TMEM117: variants seen among roughly 807,000 people sequenced by gnomAD.
TMEM117 encodes transmembrane protein 117.
In TMEM117, 27 loss-of-function variants were observed where a neutral mutation model predicts 52.4. The ratio of observed to expected loss-of-function variants is 0.51; its 90% CI spans 0.38 to 0.71. TMEM117 has a LOEUF of 0.71. TMEM117 is among the 30% of genes least tolerant of loss of function. The pLI is 0.00. For missense variants in TMEM117, 556 were observed against 630.5 expected (o/e 0.88, Z 1.26); for synonymous variants, 215 against 206.3 (o/e 1.04, Z -0.36).
chr12:44,260,229 A>T (rs190344277), intron 5 of TMEM117, among the ~76,000 whole-genome samples: 1 of 152,270 alleles, frequency 6.6e-6, no homozygotes, highest in Admixed American at 6.5e-5. Context: ...CAGCAATTTG[A>T]GTTACCACCG....
intron 2 of TMEM117, among the ~76,000 whole-genome samples, chr12:43,861,165 G>A (rs1008695813): frequency 2.0e-4 from 30 of 152,350 alleles, no homozygotes; most frequent in Non-Finnish European, 2.6e-4. Flanking sequence ...CAGCAGTGGA[G>A]GTGGGGAGCG....
At chr12:44,126,984 G>A (rs1847519476) in intron 3 of TMEM117, among the ~76,000 whole-genome samples, 1 of 152,190 alleles carries the variant, frequency 6.6e-6, no homozygotes, top group Non-Finnish European at 1.5e-5. Flanking sequence ...CATGGAAACT[G>A]AGTTAAAATT....
intron 5 of TMEM117, among the ~76,000 whole-genome samples, chr12:44,217,139 A>C (rs546256431): frequency 6.6e-6 from 1 of 152,330 alleles, no homozygotes; most frequent in South Asian, 2.1e-4. Context: ...ACAATAAGGT[A>C]ATAAAAAGAC....
chr12:44,287,458 T>C (rs890373758), intron 5 of TMEM117, among the ~76,000 whole-genome samples: 2 of 152,178 alleles, frequency 1.3e-5, no homozygotes, highest in Admixed American at 6.5e-5. Flanking sequence ...ACCATATTGG[T>C]TAAATAAAAA....
chr12:44,092,971 A>G (rs1947699078), intron 3 of TMEM117, among the ~76,000 whole-genome samples: 1 of 152,162 alleles, frequency 6.6e-6, no homozygotes, highest in East Asian at 1.9e-4. Context: ...TGGGGTTTGG[A>G]GCAGAAAAAT....
chr12:43,934,873 G>A (rs1289331302), intron 2 of TMEM117, among the ~76,000 whole-genome samples: 1 of 152,028 alleles, frequency 6.6e-6, no homozygotes, highest in African/African-American at 2.4e-5. Flanking sequence ...ATTATATAAA[G>A]CCGTGTTTGT....
At chr12:44,265,809 T>G (rs1014569673) in intron 5 of TMEM117, among the ~76,000 whole-genome samples, 15 of 152,198 alleles carry the variant, frequency 9.9e-5, no homozygotes, top group Non-Finnish European at 7.3e-5. Flanking sequence ...TCTCTTTATT[T>G]ATTTACCTAT....
intron 5 of TMEM117, among the ~76,000 whole-genome samples, chr12:44,251,814 C>T (rs1950199969): frequency 6.6e-6 from 1 of 152,046 alleles, no homozygotes; most frequent in African/African-American, 2.4e-5. Context: ...AAGAAATAAG[C>T]AACAAACAAA....
At chr12:44,256,504 T>C (rs1477875165) in intron 5 of TMEM117, among the ~76,000 whole-genome samples, 1 of 152,092 alleles carries the variant, frequency 6.6e-6, no homozygotes, top group Non-Finnish European at 1.5e-5. Flanking sequence ...ATTACTCTTA[T>C]AAATAATACA....
intron 4 of TMEM117, among the ~76,000 whole-genome samples, chr12:44,181,167 G>A (rs1949192205): frequency 6.7e-6 from 1 of 149,742 alleles, no homozygotes; most frequent in South Asian, 2.1e-4. Flanking sequence ...AGAAGTGTCT[G>A]TTCATGTCCT....
chr12:43,817,383 T>C, the TMEM117 span, among the ~76,000 whole-genome samples: 1 of 152,250 alleles, frequency 6.6e-6, no homozygotes, highest in Non-Finnish European at 1.5e-5. Flanking sequence ...CCCTTGATTA[T>C]ATGATTGAAA....
chr12:44,326,169 GTT>G (rs1157264701), intron 6 of TMEM117, among the ~76,000 whole-genome samples: 1 of 151,302 alleles, frequency 6.6e-6, no homozygotes, highest in Non-Finnish European at 1.5e-5. Context: ...CCCTGGTTTT[GTT>G]TTTGTTTTTG....
the TMEM117 span, chr12:43,806,125 C>T: frequency 2.0e-6 from 3 of 1,526,898 alleles, no homozygotes; most frequent in African/African-American, 1.4e-5. Flanking sequence ...TCCGGAGCTC[C>T]CGGCCCGACT....
intron 6 of TMEM117, among the ~76,000 whole-genome samples, chr12:44,312,933 T>A (rs1384689805): frequency 6.6e-6 from 1 of 152,176 alleles, no homozygotes; most frequent in Non-Finnish European, 1.5e-5. Context: ...CTGTTCATGT[T>A]CTTTTGCCCA....
At chr12:44,139,844 A>G (rs1412751185) in intron 3 of TMEM117, among the ~76,000 whole-genome samples, 1 of 152,146 alleles carries the variant, frequency 6.6e-6, no homozygotes, top group Non-Finnish European at 1.5e-5. Flanking sequence ...GTGATATTCA[A>G]ACTGGCTAAA....
At chr12:44,135,754 C>G (rs755214016) in intron 3 of TMEM117, among the ~76,000 whole-genome samples, 4 of 152,150 alleles carry the variant, frequency 2.6e-5, no homozygotes, top group Non-Finnish European at 5.9e-5. Context: ...CAGGTTTCTT[C>G]ATTTTATTAT....
chr12:44,018,917 A>T (rs1946414248), intron 3 of TMEM117, among the ~76,000 whole-genome samples: 1 of 151,746 alleles, frequency 6.6e-6, no homozygotes, highest in African/African-American at 2.4e-5. Context: ...ATGGGGTTTC[A>T]CCGTGTTGGC....
chr12:44,373,791 T>TTC (rs1951899092), intron 6 of TMEM117, among the ~76,000 whole-genome samples: 1 of 139,162 alleles, frequency 7.2e-6, no homozygotes, highest in African/African-American at 2.7e-5. Flanking sequence ...TTTTTTTTTT[T>TTC]TTTTTTTTGA....
chr12:44,049,031 G>A (rs1565807047), intron 3 of TMEM117, among the ~76,000 whole-genome samples: 13 of 152,124 alleles, frequency 8.5e-5, no homozygotes, highest in Admixed American at 8.5e-4. Flanking sequence ...AGGTGGTCAA[G>A]AAATGCCTGG....
Sources: allele counts gnomAD v4.1 joint callset (sites outside exome capture counted in the v4.1 genomes callset), GRCh38; gene constraint gnomAD v4.1.1; transcripts MANE v1.5; gene names NCBI Gene and HGNC (gene_info 2026-07-23, HGNC 2026-07-21).